The following PDSS2 variants were observed in gnomAD, a reference collection of about 807,000 sequenced individuals.
PDSS2 encodes the protein decaprenyl diphosphate synthase subunit 2.
In PDSS2, 31 loss-of-function variants were observed where a neutral mutation model predicts 44.5. That is an observed-to-expected ratio of 0.70 (90% CI 0.52 to 0.94). The LOEUF is 0.94. PDSS2 is among the 40% of genes least tolerant of loss of function. The pLI is 0.00. For missense variants in PDSS2, 452 were observed against 482.2 expected, an observed-to-expected ratio of 0.94 and a Z score of 0.59; for synonymous variants, 157 against 180.3, an observed-to-expected ratio of 0.87 and a Z score of 1.03.
intron 1 of PDSS2, among the ~76,000 whole-genome samples, chr6:107,455,773 A>C (rs1280592937): frequency 6.6e-6 from 1 of 151,070 alleles, no homozygotes; most frequent in Non-Finnish European, 1.5e-5. Flanking sequence ...AAAAAAAAAA[A>C]AAAAAAAAAA....
At chr6:107,437,744 A>G (rs1485171746) in intron 1 of PDSS2, among the ~76,000 whole-genome samples, 1 of 152,096 alleles carries the variant, frequency 6.6e-6, no homozygotes, top group South Asian at 2.1e-4. Flanking sequence ...AAATCTGCGT[A>G]TAAGTAGATA....
At chr6:107,196,294 C>T (rs2114543479) in intron 6 of PDSS2, among the ~76,000 whole-genome samples, 1 of 152,354 alleles carries the variant, frequency 6.6e-6, no homozygotes, top group East Asian at 1.9e-4. Context: ...GTATTGCTCA[C>T]TTATGACCTA....
At chr6:107,307,039 T>C (rs1776881763) in intron 2 of PDSS2, among the ~76,000 whole-genome samples, 1 of 152,246 alleles carries the variant, frequency 6.6e-6, no homozygotes, top group Non-Finnish European at 1.5e-5. Context: ...TGCCCATGAC[T>C]TCTCATTCTG....
chr6:107,284,655 T>G, intron 2 of PDSS2, among the ~76,000 whole-genome samples: 2 of 119,258 alleles, frequency 1.7e-5, no homozygotes, highest in Non-Finnish European at 1.8e-5. Flanking sequence ...GAGAAAGACT[T>G]CGTCTCCAAA....
intron 7 of PDSS2, among the ~76,000 whole-genome samples, chr6:107,171,997 T>A (rs564333058): frequency 5.9e-5 from 9 of 152,304 alleles, no homozygotes; most frequent in African/African-American, 2.2e-4. Flanking sequence ...GTTTAATTTC[T>A]CTGATATAGC....
intron 2 of PDSS2, 39 bp downstream of exon 2, chr6:107,334,159 G>C: frequency 6.3e-7 from 1 of 1,579,440 alleles, no homozygotes; most frequent in Non-Finnish European, 8.7e-7. Context: ...AAGAAAACAC[G>C]ATGTAGAGAG....
chr6:107,210,329 T>C, intron 6 of PDSS2, 110 bp downstream of exon 6: 1 of 811,782 alleles, frequency 1.2e-6, no homozygotes, highest in East Asian at 2.5e-5. Context: ...ACCTGTTACG[T>C]GAATATGCCT....
intron 4 of PDSS2, among the ~76,000 whole-genome samples, chr6:107,237,078 G>T (rs918565384): frequency 2.0e-5 from 3 of 151,928 alleles, no homozygotes; most frequent in Non-Finnish European, 4.4e-5. Flanking sequence ...TGGGACTACA[G>T]GCATACCACC....
At chr6:107,426,275 C>T (rs1781000009) in intron 1 of PDSS2, among the ~76,000 whole-genome samples, 1 of 152,184 alleles carries the variant, frequency 6.6e-6, no homozygotes, top group African/African-American at 2.4e-5. Flanking sequence ...GGGTGCAAGC[C>T]CCAAGTTTTG....
chr6:107,370,354 G>T (rs1410255635), intron 1 of PDSS2, among the ~76,000 whole-genome samples: 1 of 152,150 alleles, frequency 6.6e-6, no homozygotes, highest in Non-Finnish European at 1.5e-5. Context: ...AATCATTTAC[G>T]CAAGATTACC....
At chr6:107,192,147 G>A (rs937714038) in intron 7 of PDSS2, among the ~76,000 whole-genome samples, 1 of 152,222 alleles carries the variant, frequency 6.6e-6, no homozygotes, top group Non-Finnish European at 1.5e-5. Flanking sequence ...GCCTGTGGGA[G>A]ACCCAAGAGG....
At chr6:107,410,563 A>G (rs912207533) in intron 1 of PDSS2, among the ~76,000 whole-genome samples, 8 of 152,092 alleles carry the variant, frequency 5.3e-5, no homozygotes, top group African/African-American at 1.9e-4. Context: ...ACCTCAGCCC[A>G]CTGCAACCTC....
intron 7 of PDSS2, among the ~76,000 whole-genome samples, chr6:107,177,777 G>A (rs962347289): frequency 2.0e-5 from 3 of 152,162 alleles, no homozygotes; most frequent in Non-Finnish European, 4.4e-5. Context: ...GTAGACTGCA[G>A]CAATGAGCCA....
At chr6:107,452,521 C>T (rs1229720394) in intron 1 of PDSS2, among the ~76,000 whole-genome samples, 6 of 152,098 alleles carry the variant, frequency 3.9e-5, no homozygotes, top group Non-Finnish European at 7.4e-5. Flanking sequence ...CATGAGCCAC[C>T]GCACCCAACC....
At chr6:107,405,048 C>T (rs1780266956) in intron 1 of PDSS2, among the ~76,000 whole-genome samples, 1 of 151,828 alleles carries the variant, frequency 6.6e-6, no homozygotes, top group Admixed American at 6.6e-5. Context: ...TATCTAGTCA[C>T]TTATAAAGAA....
chr6:107,423,223 T>C (rs1780882105), intron 1 of PDSS2, among the ~76,000 whole-genome samples: 1 of 152,112 alleles, frequency 6.6e-6, no homozygotes, highest in African/African-American at 2.4e-5. Context: ...AAACTGTTAA[T>C]TTATTAATAA....
chr6:107,333,018 T>C (rs1303699382), intron 2 of PDSS2, among the ~76,000 whole-genome samples: 1 of 152,200 alleles, frequency 6.6e-6, no homozygotes, highest in African/African-American at 2.4e-5. Context: ...AATTTCTGGC[T>C]GGCAAGCAAC....
intron 2 of PDSS2, among the ~76,000 whole-genome samples, chr6:107,280,682 CAACA>C (rs966572359): frequency 6.3e-4 from 96 of 152,072 alleles, no homozygotes; most frequent in Admixed American, 8.5e-4. Flanking sequence ...GACCCTGTCT[CAACA>C]AACAAACAAA....
chr6:107,267,588 CTTTTTTT>C (rs55860139), intron 3 of PDSS2, among the ~76,000 whole-genome samples: 1 of 132,380 alleles, frequency 7.6e-6, no homozygotes, highest in Non-Finnish European at 1.6e-5. Context: ...GATTCTCTTT[CTTTTTTT>C]TTTTTTTTTT....
Sources: allele counts gnomAD v4.1 joint callset (sites outside exome capture counted in the v4.1 genomes callset), GRCh38; gene constraint gnomAD v4.1.1; transcripts MANE v1.5; gene names NCBI Gene and HGNC (gene_info 2026-07-23, HGNC 2026-07-21).